The following IL1RAPL2 variants were observed in gnomAD, a reference collection of about 807,000 sequenced individuals.
The protein encoded by IL1RAPL2 is X-linked interleukin-1 receptor accessory protein-like 2.
In IL1RAPL2, 3 loss-of-function variants were observed where a neutral mutation model predicts 44.1. The ratio of observed to expected loss-of-function variants is 0.07; its 90% CI spans 0.03 to 0.18. IL1RAPL2 has a LOEUF of 0.18. Ranked by LOEUF, IL1RAPL2 falls within the 10% of genes least tolerant of loss-of-function variation. The pLI is 1.00. For synonymous variants in IL1RAPL2, 181 were observed against 178.8 expected (o/e 1.01, Z -0.10); for missense variants, 391 against 496.4 (o/e 0.79, Z 2.02).
intron 2 of IL1RAPL2, among the ~76,000 whole-genome samples, chrX:104,842,226 T>C (rs777063530): frequency 1.5e-3 from 170 of 110,154 alleles, no homozygotes; most frequent in Non-Finnish European, 2.5e-3. Context: ...GTGCTGTGTT[T>C]TACAGCTTCA....
At chrX:104,923,336 C>T (rs931871040) in intron 2 of IL1RAPL2, among the ~76,000 whole-genome samples, 1 of 111,789 alleles carries the variant, frequency 8.9e-6, no homozygotes. Context: ...ACAAGAGAAA[C>T]ATTGCCAAGG....
chrX:105,258,704 A>C (rs889668945), intron 4 of IL1RAPL2, among the ~76,000 whole-genome samples: 4 of 111,901 alleles, frequency 3.6e-5, no homozygotes, highest in African/African-American at 1.3e-4. Context: ...TTCTTTCCTC[A>C]GCTTGCTTTA....
intron 2 of IL1RAPL2, among the ~76,000 whole-genome samples, chrX:104,917,342 A>G (rs778288978): frequency 9.8e-5 from 11 of 112,276 alleles, no homozygotes; most frequent in Non-Finnish European, 1.3e-4. Context: ...AGAGAAAACA[A>G]TTCCTCATTA....
chrX:105,421,782 A>G (rs928240775), intron 5 of IL1RAPL2, among the ~76,000 whole-genome samples: 6 of 111,778 alleles, frequency 5.4e-5, no homozygotes, highest in Non-Finnish European at 1.1e-4. Context: ...CTGAAGTTTA[A>G]GTTGTCTAGC....
At chrX:105,538,747 ACT>A (rs763427149) in intron 6 of IL1RAPL2, among the ~76,000 whole-genome samples, 5 of 111,346 alleles carry the variant, frequency 4.5e-5, no homozygotes, top group Admixed American at 9.6e-5. Flanking sequence ...AAGAAGTGAA[ACT>A]CTCTCTCTTC....
chrX:104,871,275 T>C (rs1203772681), intron 2 of IL1RAPL2, among the ~76,000 whole-genome samples: 1 of 111,693 alleles, frequency 9.0e-6, no homozygotes, highest in Non-Finnish European at 1.9e-5. Context: ...TCTTTTATAA[T>C]AAAGTTTCCT....
chrX:105,405,949 G>C (rs755085972), intron 5 of IL1RAPL2: 1 of 1,179,363 alleles, frequency 8.5e-7, no homozygotes, highest in African/African-American at 1.8e-5. Context: ...GTTTGTGAAG[G>C]AGAATCATTT....
At chrX:105,727,431 C>T (rs1382458576) in intron 7 of IL1RAPL2, among the ~76,000 whole-genome samples, 3 of 111,416 alleles carry the variant, frequency 2.7e-5, no homozygotes, top group Non-Finnish European at 5.7e-5. Flanking sequence ...GCAGGGAGCA[C>T]CTACATGTAA....
chrX:105,322,562 A>G (rs2034904441), intron 5 of IL1RAPL2, among the ~76,000 whole-genome samples: 1 of 111,749 alleles, frequency 8.9e-6, no homozygotes, highest in Admixed American at 9.6e-5. Context: ...CTCAACTCCT[A>G]GAGGATGCTC....
At chrX:105,448,523 C>T (rs1000017600) in intron 5 of IL1RAPL2, among the ~76,000 whole-genome samples, 4 of 110,242 alleles carry the variant, frequency 3.6e-5, no homozygotes, top group African/African-American at 1.3e-4. Context: ...CACCACCATG[C>T]CCGGCTAATT....
intron 6 of IL1RAPL2, among the ~76,000 whole-genome samples, chrX:105,609,560 C>A (rs754733406): frequency 8.9e-6 from 1 of 111,806 alleles, no homozygotes; most frequent in Non-Finnish European, 1.9e-5. Flanking sequence ...GTGCATGGAA[C>A]CTGAGTATGG....
chrX:105,149,993 G>A (rs978975497), intron 2 of IL1RAPL2, among the ~76,000 whole-genome samples: 8 of 110,562 alleles, frequency 7.2e-5, no homozygotes, highest in Admixed American at 9.7e-5. Flanking sequence ...TTAAATTTTC[G>A]TCAGTTAACA....
chrX:104,858,329 A>G (rs1414586390), intron 2 of IL1RAPL2, among the ~76,000 whole-genome samples: 6 of 111,623 alleles, frequency 5.4e-5, no homozygotes, highest in Non-Finnish European at 9.4e-5. Flanking sequence ...TATCTACAGT[A>G]AAGAGTTTAC....
chrX:105,121,495 C>T (rs2032924907), intron 2 of IL1RAPL2, among the ~76,000 whole-genome samples: 1 of 111,733 alleles, frequency 8.9e-6, no homozygotes, highest in Admixed American at 9.5e-5. Flanking sequence ...GTTGGTTATG[C>T]ACATTTTGTC....
intron 1 of IL1RAPL2, among the ~76,000 whole-genome samples, chrX:104,574,263 C>T (rs1928203470): frequency 9.0e-6 from 1 of 111,209 alleles, no homozygotes. Flanking sequence ...CATAAAAGAA[C>T]TTCCACATAT....
intron 2 of IL1RAPL2, among the ~76,000 whole-genome samples, chrX:105,177,076 C>T (rs1009546749): frequency 1.8e-5 from 2 of 110,868 alleles, no homozygotes; most frequent in African/African-American, 6.6e-5. Flanking sequence ...AGTCTGTGTC[C>T]TGCTAGGAAC....
chrX:105,298,258 T>C lies in IL1RAPL2; in HGVS notation c.697+30717T>C, dbSNP rs1603052685. On this transcript the variant is annotated intron_variant, in intron 5 of 10. Coordinates refer to ENST00000372582, the MANE Select transcript of IL1RAPL2 (RefSeq NM_017416.2). ...GTTCTCTTATCTAACTGAAACTTTG[T>C]ACCCTTTAACGAGCAAGGAGATGTT... Among the ~76,000 whole-genome samples the C allele has an allele frequency of 2.7e-5, 3 of 112,037 alleles. No homozygotes were observed. The Admixed American group carries it at 2.9e-4, about 11-fold the overall frequency.
intron 5 of IL1RAPL2, among the ~76,000 whole-genome samples, chrX:105,287,399 A>G (rs2034579755): frequency 9.0e-6 from 1 of 111,573 alleles, no homozygotes; most frequent in Admixed American, 9.6e-5. Flanking sequence ...AACTAGAATA[A>G]GCTTAGGCTA....
chrX:104,716,749 T>G (rs1931574345), intron 2 of IL1RAPL2, among the ~76,000 whole-genome samples: 1 of 111,687 alleles, frequency 9.0e-6, no homozygotes, highest in Admixed American at 9.5e-5. Context: ...CCAAAATGGT[T>G]ATTATTAAAA....
Sources: allele counts gnomAD v4.1 joint callset (sites outside exome capture counted in the v4.1 genomes callset), GRCh38; gene constraint gnomAD v4.1.1; transcripts MANE v1.5; gene names NCBI Gene and HGNC (gene_info 2026-07-23, HGNC 2026-07-21).